Variants in TEX9 observed in about 807,000 individuals in gnomAD.
The protein encoded by TEX9 is testis expressed 9.
A neutral mutation model predicts 59.6 loss-of-function variants in TEX9; 74 were observed. That is an observed-to-expected ratio of 1.24 (90% CI 1.03 to 1.51). The LOEUF (loss-of-function observed/expected upper bound fraction) is 1.51, where lower values mean the gene tolerates loss of function less well. Among genes scored for constraint, TEX9 ranks in the 40% most tolerant of loss-of-function variants. The pLI, the probability that TEX9 is intolerant of heterozygous loss-of-function variation, is 0.00. For missense variants in TEX9, 522 were observed against 447.8 expected, an observed-to-expected ratio of 1.17 and a Z score of -1.49; for synonymous variants, 186 against 152.2, an observed-to-expected ratio of 1.22 and a Z score of -1.64.
intron 1 of TEX9, among the ~76,000 whole-genome samples, chr15:56,348,437 A>G (rs1388339196): frequency 6.6e-6 from 1 of 152,086 alleles, no homozygotes; most frequent in Non-Finnish European, 1.5e-5. Context: ...AAGTGACCTG[A>G]TGAAAAGTTT....
chr15:56,319,918 T>C (rs1391455502), intron 1 of TEX9, among the ~76,000 whole-genome samples: 2 of 152,322 alleles, frequency 1.3e-5, no homozygotes, highest in Middle Eastern at 3.4e-3. Flanking sequence ...AGGTGGTCCA[T>C]GTCAAAACAT....
chr15:56,409,174 C>T (rs568931899), intron 9 of TEX9, among the ~76,000 whole-genome samples: 18 of 151,918 alleles, frequency 1.2e-4, no homozygotes, highest in African/African-American at 3.9e-4. Flanking sequence ...CCAGCCTGAG[C>T]CACAGAGCGA....
chr15:56,264,431 T>C (rs1471185979), intron 1 of TEX9, among the ~76,000 whole-genome samples: 1 of 152,228 alleles, frequency 6.6e-6, no homozygotes, highest in African/African-American at 2.4e-5. Context: ...CTGGGTTGTT[T>C]GATTTCTTCA....
chr15:56,394,308 A>C (rs567359738), intron 8 of TEX9, 61 bp downstream of exon 8: 1 of 1,384,232 alleles, frequency 7.2e-7, no homozygotes, highest in South Asian at 1.4e-5. Flanking sequence ...GAGCAATTTC[A>C]ATTACATTTT....
intron 1 of TEX9, among the ~76,000 whole-genome samples, chr15:56,341,489 G>A (rs1414076453): frequency 6.6e-6 from 1 of 152,108 alleles, no homozygotes; most frequent in Non-Finnish European, 1.5e-5. Flanking sequence ...CACCCTTAGG[G>A]TCTGCTTCTA....
chr15:56,261,992 G>A (rs1478611828), intron 1 of TEX9, among the ~76,000 whole-genome samples: 1 of 152,158 alleles, frequency 6.6e-6, no homozygotes, highest in Non-Finnish European at 1.5e-5. Flanking sequence ...CCAGTGAAAG[G>A]CATTCATGGG....
At chr15:56,324,730 G>C (rs2045984605) in intron 1 of TEX9, among the ~76,000 whole-genome samples, 1 of 152,088 alleles carries the variant, frequency 6.6e-6, no homozygotes, top group African/African-American at 2.4e-5. Context: ...GGATTTTGTG[G>C]CCTGGCTTCG....
At chr15:56,356,052 A>G (rs1188769275) in intron 1 of TEX9, among the ~76,000 whole-genome samples, 1 of 152,032 alleles carries the variant, frequency 6.6e-6, no homozygotes, top group Admixed American at 6.6e-5. Flanking sequence ...GTAGTCTGGT[A>G]TTTTCTAAGT....
intron 1 of TEX9, among the ~76,000 whole-genome samples, chr15:56,247,990 C>G (rs2043903579): frequency 6.6e-6 from 1 of 152,280 alleles, no homozygotes; most frequent in South Asian, 2.1e-4. Context: ...TCACCTCTCC[C>G]AATTCTTCCT....
chr15:56,288,268 G>A (rs2141488235), intron 1 of TEX9, among the ~76,000 whole-genome samples: 1 of 151,062 alleles, frequency 6.6e-6, no homozygotes, highest in African/African-American at 2.5e-5. Context: ...CATTTCTTTG[G>A]TGATTTTTTT....
intron 1 of TEX9, among the ~76,000 whole-genome samples, chr15:56,349,682 C>G (rs2046538341): frequency 1.3e-5 from 2 of 151,812 alleles, no homozygotes; most frequent in South Asian, 2.1e-4. Context: ...GCTTTCTGTG[C>G]ATATGTGTGT....
At chr15:56,266,316 G>T (rs1318096477) in intron 1 of TEX9, among the ~76,000 whole-genome samples, 1 of 151,366 alleles carries the variant, frequency 6.6e-6, no homozygotes, top group Non-Finnish European at 1.5e-5. Context: ...AGTAGAGATG[G>T]GGTTTCTTTT....
At chr15:56,396,032 G>A (rs1281606890) in intron 9 of TEX9, 1 of 151,990 alleles carries the variant, frequency 6.6e-6, no homozygotes, top group Non-Finnish European at 1.5e-5. Flanking sequence ...CATATTTAAG[G>A]GGAGAATGTA....
At chr15:56,317,754 T>C (rs909701587) in intron 1 of TEX9, among the ~76,000 whole-genome samples, 2 of 152,230 alleles carry the variant, frequency 1.3e-5, no homozygotes, top group African/African-American at 4.8e-5. Flanking sequence ...TCCCTTGTGA[T>C]TTCATCTTTG....
At chr15:56,348,594 C>T (rs867849323) in intron 1 of TEX9, among the ~76,000 whole-genome samples, 5 of 152,166 alleles carry the variant, frequency 3.3e-5, no homozygotes, top group South Asian at 4.1e-4. Flanking sequence ...TTTCTGAAGA[C>T]AGGTCAGTTA....
At chr15:56,383,917 C>T (rs1214925452) in intron 3 of TEX9, 35 bp from the exon 4 acceptor site, 25 of 1,508,936 alleles carry the variant, frequency 1.7e-5, no homozygotes, top group Non-Finnish European at 2.3e-5. Flanking sequence ...GGTTTTTTTT[C>T]TATATGATAT....
chr15:56,456,845 A>C, the TEX9 span, among the ~76,000 whole-genome samples: 2 of 152,072 alleles, frequency 1.3e-5, no homozygotes, highest in South Asian at 4.1e-4. Context: ...TTTTTCTGCT[A>C]GGGTGTTTTA....
At chr15:56,431,625 A>G (rs1596250519) in intron 12 of TEX9, 1 of 682,962 alleles carries the variant, frequency 1.5e-6, no homozygotes, top group South Asian at 2.6e-5. Context: ...AGTTCAAAAG[A>G]TTCTAGATAA....
chr15:56,310,128 C>T (rs1203076806), intron 1 of TEX9, among the ~76,000 whole-genome samples: 1 of 152,142 alleles, frequency 6.6e-6, no homozygotes, highest in African/African-American at 2.4e-5. Flanking sequence ...GCTTTGATCT[C>T]TTAGAAATTC....
Sources: allele counts gnomAD v4.1 joint callset (sites outside exome capture counted in the v4.1 genomes callset), GRCh38; gene constraint gnomAD v4.1.1; transcripts MANE v1.5; gene names NCBI Gene and HGNC (gene_info 2026-07-23, HGNC 2026-07-21).